The following FMN1 variants were observed in gnomAD, a reference collection of about 807,000 sequenced individuals.
The protein encoded by FMN1 is formin-1.
Under a neutral mutation model 132.4 loss-of-function variants are expected in FMN1, and 110 were observed. The ratio of observed to expected loss-of-function variants is 0.83; its 90% CI spans 0.71 to 0.97. The LOEUF (loss-of-function observed/expected upper bound fraction) is 0.97, where lower values mean the gene tolerates loss of function less well. FMN1 is among the 50% of genes least tolerant of loss of function. FMN1 has a pLI of 0.00. For synonymous variants in FMN1, 722 were observed against 651.7 expected, an observed-to-expected ratio of 1.11 and a Z score of -1.64; for missense variants, 1,792 against 1,705.3, an observed-to-expected ratio of 1.05 and a Z score of -0.90.
intron 4 of FMN1, chr15:33,150,419 C>T: frequency 3.0e-6 from 3 of 985,434 alleles, no homozygotes; most frequent in Non-Finnish European, 3.6e-6. Context: ...ACCTGACTAC[C>T]AGTTCTTGTT....
intron 16 of FMN1, among the ~76,000 whole-genome samples, chr15:32,868,323 T>C (rs1056570209): frequency 6.6e-6 from 1 of 152,184 alleles, no homozygotes; most frequent in Non-Finnish European, 1.5e-5. Flanking sequence ...GTACAGCCAG[T>C]AGTACTGTAA....
At chr15:32,839,157 G>A (rs1294002697) in intron 17 of FMN1, among the ~76,000 whole-genome samples, 2 of 152,280 alleles carry the variant, frequency 1.3e-5, no homozygotes, top group South Asian at 2.1e-4. Flanking sequence ...AGCAAGCCAA[G>A]CAAAGATGGG....
At chr15:33,045,727 G>T (rs1211227956) in intron 6 of FMN1, among the ~76,000 whole-genome samples, 1 of 152,166 alleles carries the variant, frequency 6.6e-6, no homozygotes, top group African/African-American at 2.4e-5. Flanking sequence ...GTAGTAAATG[G>T]TAATACTGCA....
At chr15:32,859,423 G>A (rs368754526) in intron 16 of FMN1, among the ~76,000 whole-genome samples, 2 of 151,928 alleles carry the variant, frequency 1.3e-5, no homozygotes, top group Non-Finnish European at 2.9e-5. Context: ...TACATTATTC[G>A]GCATTCCCAG....
intron 19 of FMN1, among the ~76,000 whole-genome samples, chr15:32,784,414 AAAAACAAAAC>A (rs143041498): frequency 3.9e-4 from 58 of 150,302 alleles, no homozygotes; most frequent in African/African-American, 6.9e-4. Flanking sequence ...TCCTAGGGGG[AAAAACAAAAC>A]AAAACAAAAC....
chr15:33,063,609 A>T (rs983545377), intron 6 of FMN1: 2 of 152,180 alleles, frequency 1.3e-5, no homozygotes, highest in African/African-American at 4.8e-5. Context: ...CCTCATTGAT[A>T]CAGTCATATA....
At chr15:32,906,146 G>A (rs1596240829) in intron 12 of FMN1, among the ~76,000 whole-genome samples, 1 of 152,158 alleles carries the variant, frequency 6.6e-6, no homozygotes, top group East Asian at 1.9e-4. Context: ...AGAAACGCAT[G>A]ATCTCTCCCT....
At chr15:32,941,349 A>C (rs979483167) in intron 9 of FMN1, among the ~76,000 whole-genome samples, 2 of 152,202 alleles carry the variant, frequency 1.3e-5, no homozygotes, top group Admixed American at 6.5e-5. Flanking sequence ...TTAGCACTGA[A>C]GAAACCTACA....
Position 33,102,736 on chromosome 15 carries a change from A to G in FMN1, c.1868-13762T>C, listed in dbSNP as rs569173333. Among the ~76,000 whole-genome samples the G allele has an allele frequency of 2.0e-5, 3 of 152,216 alleles. No individual in the cohort carries two copies. In the East Asian group the frequency reaches 5.8e-4, roughly 29 times the overall value. On this transcript the variant is annotated intron_variant, in intron 4 of 20. Coordinates refer to ENST00000616417, the MANE Select transcript of FMN1 (RefSeq NM_001277313.2). The stretch of plus-strand genomic sequence containing the variant: ...TTTTTAATCCTTTCATAAACCTCCT[A>G]AAGTTGGGAGACAGATTATGGAAAC...
chr15:32,886,031 G>A (rs185877152), intron 16 of FMN1, among the ~76,000 whole-genome samples: 1 of 149,344 alleles, frequency 6.7e-6, no homozygotes, highest in African/African-American at 2.4e-5. Context: ...CTCACACCAA[G>A]GCCTTATGGA....
At chr15:33,076,100 A>T (rs1291220859) in intron 5 of FMN1, among the ~76,000 whole-genome samples, 5 of 152,188 alleles carry the variant, frequency 3.3e-5, no homozygotes, top group African/African-American at 9.7e-5. Context: ...GTGACTTCTG[A>T]AGCTGGGGGG....
chr15:32,774,912 A>AAGGGAAGGACATGGACATCTGC (rs1274244482), intron 20 of FMN1, among the ~76,000 whole-genome samples: 1 of 152,110 alleles, frequency 6.6e-6, no homozygotes, highest in African/African-American at 2.4e-5. Context: ...CTGCCTTCTA[A>AAGGGAAGGACATGGACATCTGC]AGGGAAGGAC....
chr15:33,104,018 T>G (rs62000008), intron 4 of FMN1, among the ~76,000 whole-genome samples: 12,537 of 152,140 alleles, frequency 0.082, 681 homozygotes, highest in Middle Eastern at 0.13. Context: ...TCGGCAAAAT[T>G]TTCAGGAAGG....
At chr15:32,831,811 G>A (rs917012575) in intron 17 of FMN1, among the ~76,000 whole-genome samples, 2 of 150,982 alleles carry the variant, frequency 1.3e-5, no homozygotes, top group Admixed American at 1.3e-4. Context: ...GCCTGTTCCC[G>A]GTGTCAGTAA....
Position 32,951,456 on chromosome 15 carries a change from CAT to C in FMN1, c.3138+12649_3138+12650del, listed in dbSNP as rs1166180084. The stretch of plus-strand genomic sequence containing the variant: ...ACACACACACACACACACACACACA[CAT>C]CCACGCACACACAAATAGGGGAAAT... On this transcript the variant is annotated intron_variant, in intron 9 of 20. Transcript: ENST00000616417. Among the ~76,000 whole-genome samples, 4 of 143,396 alleles carry C rather than the reference CAT, an allele frequency of 2.8e-5. No homozygotes were observed. In the East Asian group the frequency reaches 6.3e-4, roughly 22 times the overall value. The allele number at this position is 143,396 out of a possible 152,430, so 94.1% of individuals were successfully genotyped here.
intron 5 of FMN1, among the ~76,000 whole-genome samples, chr15:33,081,443 G>A (rs781278820): frequency 2.0e-5 from 3 of 151,996 alleles, no homozygotes; most frequent in Non-Finnish European, 4.4e-5. Context: ...AAAGACCCAG[G>A]ATACCTGGTG....
chr15:33,136,431 G>A (rs988795759), intron 4 of FMN1, among the ~76,000 whole-genome samples: 1 of 152,220 alleles, frequency 6.6e-6, no homozygotes, highest in Non-Finnish European at 1.5e-5. Context: ...AGAGACAGAC[G>A]TGTTTGGGAA....
chr15:32,979,189 G>T (rs974802051), intron 7 of FMN1, among the ~76,000 whole-genome samples: 1 of 152,102 alleles, frequency 6.6e-6, no homozygotes, highest in African/African-American at 2.4e-5. Context: ...TCACAACAAA[G>T]ATGGCCTCCC....
At position 33,008,050 on chromosome 15, in the gene FMN1, C is replaced by CA. The variant is rs749616419; in HGVS notation, c.2186dup (p.Leu729PhefsTer10). ...CAATTTCTTCTTTGTGCTCCCTCTT[C>CA]AAGTGTAAAATAGCAGCTTGGTATT... On this transcript the variant is annotated frameshift_variant, in exon 7 of 21. Coordinates refer to ENST00000616417, the MANE Select transcript of FMN1 (RefSeq NM_001277313.2). LOFTEE classifies it high-confidence loss of function. 7 of 1,600,194 alleles carry CA rather than the reference C, an allele frequency of 4.4e-6. No homozygotes were observed.
Sources: gnomAD v4.1 joint callset for allele counts (sites outside exome capture counted in the v4.1 genomes callset) on GRCh38, gnomAD v4.1.1 for gene constraint, MANE v1.5 for transcripts, NCBI Gene and HGNC (gene_info 2026-07-23, HGNC 2026-07-21) for gene names.